UNC5D: variants seen among roughly 807,000 people sequenced by gnomAD.
The protein encoded by UNC5D is netrin receptor UNC5D.
A neutral mutation model predicts 105.4 loss-of-function variants in UNC5D; 39 were observed. The observed-to-expected ratio is 0.37, with a 90% CI of 0.29 to 0.48. The LOEUF (loss-of-function observed/expected upper bound fraction) is 0.48, where lower values mean the gene tolerates loss of function less well. UNC5D is among the 20% of genes least tolerant of loss of function. The pLI is 0.98. For missense variants in UNC5D, 991 were observed against 1,202.4 expected (o/e 0.82, Z 2.60); for synonymous variants, 452 against 450.4 (o/e 1.00, Z -0.04).
intron 4 of UNC5D, among the ~76,000 whole-genome samples, chr8:35,617,748 CTT>C (rs542122802): frequency 8.6e-4 from 131 of 152,246 alleles, no homozygotes; most frequent in Non-Finnish European, 1.6e-3. Context: ...ATCAGTTAAG[CTT>C]CCAAGAAAAA....
intron 3 of UNC5D, among the ~76,000 whole-genome samples, chr8:35,568,644 G>A (rs978535359): frequency 7.2e-5 from 11 of 152,216 alleles, no homozygotes; most frequent in Non-Finnish European, 1.0e-4. Flanking sequence ...AACTGAGATC[G>A]TGCCACTGCA....
intron 1 of UNC5D, among the ~76,000 whole-genome samples, chr8:35,437,516 A>G (rs1807099658): frequency 6.6e-6 from 1 of 152,080 alleles, no homozygotes; most frequent in Admixed American, 6.6e-5. Context: ...AATATTCTAA[A>G]CCATTAAATA....
intron 7 of UNC5D, among the ~76,000 whole-genome samples, chr8:35,693,278 T>C (rs906491629): frequency 3.9e-5 from 6 of 152,208 alleles, no homozygotes; most frequent in Non-Finnish European, 5.9e-5. Flanking sequence ...CCTGAGTGGA[T>C]TGGACATAAA....
chr8:35,600,072 G>A (rs1034644359), intron 4 of UNC5D, among the ~76,000 whole-genome samples: 1 of 152,046 alleles, frequency 6.6e-6, no homozygotes, highest in African/African-American at 2.4e-5. Flanking sequence ...TTGTCCTTGG[G>A]ATAGTTTGCT....
At chr8:35,631,378 A>G (rs950288783) in intron 4 of UNC5D, among the ~76,000 whole-genome samples, 4 of 152,192 alleles carry the variant, frequency 2.6e-5, no homozygotes, top group African/African-American at 7.2e-5. Flanking sequence ...TGAGACTCAG[A>G]GAGGCCTGAT....
At chr8:35,744,995 G>A (rs1386946400) in intron 11 of UNC5D, among the ~76,000 whole-genome samples, 1 of 152,004 alleles carries the variant, frequency 6.6e-6, no homozygotes, top group Non-Finnish European at 1.5e-5. Flanking sequence ...GGAGGTTGCA[G>A]TGAGCCCAAG....
Position 35,237,422 on chromosome 8 carries a change from T to G in UNC5D, c.103+1535T>G, listed in dbSNP as rs113405799. Among the ~76,000 whole-genome samples, 610 of 152,204 alleles carry G rather than the reference T, an allele frequency of 4.0e-3. 10 individuals are homozygous for G. The highest frequency in any genetic ancestry group is 0.014 in the African/African-American group (583 of 41,530). ...GGGAAAAGTGGGTCTTTTCTAAATG[T>G]TAATCTAAATGTCTGAGTTTCCACT... On this transcript the variant is annotated intron_variant, in intron 1 of 16. Coordinates refer to ENST00000404895, the MANE Select transcript of UNC5D (RefSeq NM_080872.4).
intron 12 of UNC5D, among the ~76,000 whole-genome samples, 166 bp from the exon 13 acceptor site, chr8:35,750,415 CA>C (rs766184322): frequency 3.3e-5 from 5 of 152,018 alleles, no homozygotes; most frequent in Non-Finnish European, 7.4e-5. Flanking sequence ...TTGATGTCAG[CA>C]GTTATTTTGA....
chr8:35,652,127 C>T (rs1448689001), intron 4 of UNC5D, among the ~76,000 whole-genome samples: 1 of 152,128 alleles, frequency 6.6e-6, no homozygotes, highest in East Asian at 1.9e-4. Context: ...TGTGACTGAT[C>T]CTTATAGCCT....
At chr8:35,587,149 T>C (rs1818842036) in intron 3 of UNC5D, among the ~76,000 whole-genome samples, 1 of 152,180 alleles carries the variant, frequency 6.6e-6, no homozygotes, top group Non-Finnish European at 1.5e-5. Context: ...TCACTTCTGC[T>C]GTCTTTGATT....
At chr8:35,416,152 A>G (rs1301626866) in intron 1 of UNC5D, among the ~76,000 whole-genome samples, 2 of 152,116 alleles carry the variant, frequency 1.3e-5, no homozygotes, top group Non-Finnish European at 2.9e-5. Flanking sequence ...CATGTAGTCC[A>G]TAAGTCTATA....
chr8:35,345,845 A>G (rs1811772750), intron 1 of UNC5D, among the ~76,000 whole-genome samples: 1 of 152,040 alleles, frequency 6.6e-6, no homozygotes, highest in African/African-American at 2.4e-5. Flanking sequence ...CCTGACAGAA[A>G]AAAAATTAAG....
At chr8:35,516,352 G>C (rs1371151) in intron 1 of UNC5D, among the ~76,000 whole-genome samples, 2,259 of 152,242 alleles carry the variant, frequency 0.015, 33 homozygotes, top group South Asian at 0.041. Flanking sequence ...AAACTGAATT[G>C]CCTGTTTTTC....
chr8:35,320,825 G>T (rs1216418524), intron 1 of UNC5D, among the ~76,000 whole-genome samples: 1 of 152,080 alleles, frequency 6.6e-6, no homozygotes, highest in Non-Finnish European at 1.5e-5. Context: ...TTGGCTGAGG[G>T]GAAGGGTCCA....
chr8:35,438,367 G>A (rs1049831433), intron 1 of UNC5D, among the ~76,000 whole-genome samples: 3 of 152,062 alleles, frequency 2.0e-5, no homozygotes, highest in Non-Finnish European at 4.4e-5. Flanking sequence ...TTTGTAGAGT[G>A]TCTTCATGGT....
At chr8:35,470,299 CAT>C (rs1809609944) in intron 1 of UNC5D, among the ~76,000 whole-genome samples, 1 of 152,086 alleles carries the variant, frequency 6.6e-6, no homozygotes, top group African/African-American at 2.4e-5. Flanking sequence ...GAGGCCATAA[CAT>C]AAAATCTTAG....
At chr8:35,566,081 A>G (rs1188056779) in intron 2 of UNC5D, among the ~76,000 whole-genome samples, 1 of 152,192 alleles carries the variant, frequency 6.6e-6, no homozygotes, top group African/African-American at 2.4e-5. Context: ...TTCTGGACTC[A>G]TAGTCTCTGA....
At chr8:35,371,850 C>A (rs1378058215) in intron 1 of UNC5D, among the ~76,000 whole-genome samples, 1 of 152,014 alleles carries the variant, frequency 6.6e-6, no homozygotes, top group East Asian at 1.9e-4. Context: ...TTAAAGACAG[C>A]TTTATAATCC....
At chr8:35,622,964 T>C (rs916656479) in intron 4 of UNC5D, among the ~76,000 whole-genome samples, 1 of 152,192 alleles carries the variant, frequency 6.6e-6, no homozygotes, top group African/African-American at 2.4e-5. Flanking sequence ...GTTTTCTCAG[T>C]GACAAAGCCA....
Sources: allele counts gnomAD v4.1 joint callset (sites outside exome capture counted in the v4.1 genomes callset), GRCh38; gene constraint gnomAD v4.1.1; transcripts MANE v1.5; gene names NCBI Gene and HGNC (gene_info 2026-07-23, HGNC 2026-07-21).